The following SCOC variants were observed in gnomAD, a reference collection of about 807,000 sequenced individuals.
SCOC encodes the protein short coiled coil protein.
A neutral mutation model predicts 9.9 loss-of-function variants in SCOC; 7 were observed. The ratio of observed to expected loss-of-function variants is 0.71; its 90% CI spans 0.40 to 1.33. The LOEUF is 1.33. Ranked by LOEUF, SCOC falls within the 40% of genes most tolerant of loss-of-function variation. The pLI is 0.01. For missense variants in SCOC, 66 were observed against 89.7 expected, an observed-to-expected ratio of 0.74 and a Z score of 1.07; for synonymous variants, 19 against 28.2, an observed-to-expected ratio of 0.67 and a Z score of 1.03.
intron 1 of SCOC, among the ~76,000 whole-genome samples, chr4:140,319,663 T>C (rs1732440311): frequency 1.3e-5 from 2 of 152,104 alleles, no homozygotes; most frequent in Non-Finnish European, 2.9e-5. Context: ...AAGTTAATGC[T>C]GGAGAAATTT....
chr4:140,280,111 G>A lies in SCOC; in HGVS notation c.-19+22701G>A, dbSNP rs35778314. On this transcript the variant is annotated intron_variant, in intron 1 of 4. Coordinates refer to the SCOC transcript ENST00000394205. ...AGTGAGTTGCAAAGTCCATTGTGTC[G>A]TGATTTTTTTGTCAGTTTGTTTTGA... Among the ~76,000 whole-genome samples, 245 of 152,108 alleles carry A rather than the reference G, an allele frequency of 1.6e-3. 5 individuals carry two copies. Among genetic ancestry groups the A allele is most frequent in the Non-Finnish European group, 8.5e-4 (58 of 67,984 alleles).
chr4:140,362,305 T>TCTTCTTCTTCTTCTTCTTCTTCTTC (rs1357436782), intron 2 of SCOC, among the ~76,000 whole-genome samples: 8 of 9,236 alleles, frequency 8.7e-4, no homozygotes, highest in Non-Finnish European at 1.8e-3. Context: ...TCTTCTTTTT[T>TCTTCTTCTTCTTCTTCTTCTTCTTC]TTTTTTTTTT....
intron 1 of SCOC, among the ~76,000 whole-genome samples, chr4:140,279,137 G>A (rs1038186353): frequency 2.6e-5 from 4 of 152,204 alleles, no homozygotes; most frequent in Admixed American, 2.0e-4. Context: ...TGCACAAGCT[G>A]TTGTTGCCAC....
chr4:140,282,547 C>A (rs1022623888), intron 1 of SCOC, among the ~76,000 whole-genome samples: 1 of 151,928 alleles, frequency 6.6e-6, no homozygotes, highest in Non-Finnish European at 1.5e-5. Context: ...GTGCTATATT[C>A]CTATTGTTTT....
At chr4:140,260,090 A>G (rs1439997825) in intron 1 of SCOC, among the ~76,000 whole-genome samples, 1 of 152,218 alleles carries the variant, frequency 6.6e-6, no homozygotes, top group African/African-American at 2.4e-5. Flanking sequence ...GCACTCAGCA[A>G]ACACTGTCCC....
intron 1 of SCOC, chr4:140,293,382 G>T (rs201837423): frequency 2.0e-5 from 9 of 456,810 alleles, no homozygotes; most frequent in Non-Finnish European, 3.5e-5. Flanking sequence ...AGCAGGGCAC[G>T]CCAAGACAGG....
upstream of SCOC, chr4:140,373,411 G>A: frequency 6.7e-7 from 1 of 1,497,372 alleles, no homozygotes. Context: ...ACTGTCATTG[G>A]CTGTCGCTGT....
chr4:140,325,758 A>G (rs190767034), intron 1 of SCOC, among the ~76,000 whole-genome samples: 1 of 152,156 alleles, frequency 6.6e-6, no homozygotes, highest in Non-Finnish European at 1.5e-5. Context: ...ACCAGGTTGG[A>G]GGACAATTTG....
At chr4:140,289,825 C>G (rs1200213631) in intron 1 of SCOC, among the ~76,000 whole-genome samples, 1 of 152,240 alleles carries the variant, frequency 6.6e-6, no homozygotes, top group Non-Finnish European at 1.5e-5. Context: ...TCAGAGAAAG[C>G]TGATAACAAA....
Position 140,373,732 on chromosome 4 carries a change from G to A in SCOC, c.-51+15G>A, listed in dbSNP as rs1300392358. Reference sequence around the variant, plus strand: ...TCAAGCGGAAGGTGAGGGCCGTCCCGGGCAGCGGAGGGCCTGGCCCCAGGC... The same window carrying A: ...TCAAGCGGAAGGTGAGGGCCGTCCCAGGCAGCGGAGGGCCTGGCCCCAGGC... On this transcript the variant is annotated intron_variant, in intron 1 of 3. Coordinates refer to ENST00000608372, the MANE Select transcript of SCOC (RefSeq NM_001153484.2). 1 of 1,542,008 alleles carries A rather than the reference G, an allele frequency of 6.5e-7. No homozygotes were observed.
chr4:140,300,076 T>A (rs1731768935), intron 1 of SCOC, among the ~76,000 whole-genome samples: 1 of 152,118 alleles, frequency 6.6e-6, no homozygotes, highest in Non-Finnish European at 1.5e-5. Context: ...CTCATCTAAT[T>A]GAAGGGAGCT....
chr4:140,380,845 G>A lies in SCOC; in HGVS notation c.107-117G>A, dbSNP rs151133849. 1.2e-4 allele frequency: 92 copies of A among 773,080 alleles called. No homozygotes were observed. The African/African-American group carries it at 1.6e-3, about 13-fold the overall frequency. 47.9% of individuals were successfully genotyped at this position (773,080 alleles called of 1,614,324 possible). A position where few individuals can be genotyped will look rare whatever the true frequency, so the allele number is the denominator to read the frequency against. On this transcript the variant is annotated intron_variant, in intron 3 of 3. Coordinates refer to ENST00000608372, the MANE Select transcript of SCOC (RefSeq NM_001153484.2). ...GTTTACCTTGCTGTCTCTAAAATCCGAATTCTTAAAATTTAAGGATTGTAT... is the reference window on the plus strand; with the variant it reads ...GTTTACCTTGCTGTCTCTAAAATCCAAATTCTTAAAATTTAAGGATTGTAT...
rs182111074 is a variant in SCOC, at chr4:140,288,096, C to T, written c.-19+30686C>T. Among the ~76,000 whole-genome samples the T allele has an allele frequency of 4.6e-5, 7 of 152,094 alleles. No homozygotes were observed. The East Asian group carries it at 1.2e-3, about 25-fold the overall frequency. On this transcript the variant is annotated intron_variant, in intron 1 of 4. Transcript: ENST00000394205. ...TATCTATATTTATCACACACATATG[C>T]ACATATCAACCCCATGCTGTACTCA... is the stretch of plus-strand genomic sequence containing the variant.
intron 2 of SCOC, chr4:140,360,544 G>A (rs533459093): frequency 2.0e-5 from 3 of 152,350 alleles, no homozygotes; most frequent in South Asian, 2.1e-4. Context: ...ACTGGGATGC[G>A]ATGAGGGGCA....
At chr4:140,327,149 T>A (rs1013039092) in intron 1 of SCOC, among the ~76,000 whole-genome samples, 6 of 152,198 alleles carry the variant, frequency 3.9e-5, no homozygotes, top group African/African-American at 1.4e-4. Flanking sequence ...TTAGTTTATG[T>A]TAAATTTGGC....
intron 1 of SCOC, among the ~76,000 whole-genome samples, chr4:140,323,772 A>G (rs1009171693): frequency 2.0e-5 from 3 of 152,194 alleles, no homozygotes; most frequent in African/African-American, 7.2e-5. Flanking sequence ...CCTAGCCTAG[A>G]TGGTTTCGCT....
At position 140,364,257 on chromosome 4, in the gene SCOC, C is replaced by T. The variant is rs552879820; in HGVS notation, c.71-14864C>T. On this transcript the variant is annotated intron_variant, in intron 2 of 4. Transcript: ENST00000338517. ...ATGACAACTTAGAGCAAAAGGAAGGCGAAGGATGTAAACCTGAAGAATTTA... is the reference window on the plus strand; with the variant it reads ...ATGACAACTTAGAGCAAAAGGAAGGTGAAGGATGTAAACCTGAAGAATTTA... Among the ~76,000 whole-genome samples, 8 of 151,566 alleles carry T rather than the reference C, an allele frequency of 5.3e-5. No homozygotes were observed. The East Asian group carries it at 5.8e-4, about 11-fold the overall frequency.
intron 1 of SCOC, among the ~76,000 whole-genome samples, chr4:140,303,166 A>G (rs1731862557): frequency 6.6e-6 from 1 of 152,226 alleles, no homozygotes; most frequent in Non-Finnish European, 1.5e-5. Flanking sequence ...TTAGGGGGTT[A>G]TGCAAAGAGC....
intron 2 of SCOC, among the ~76,000 whole-genome samples, chr4:140,352,868 T>A (rs895038695): frequency 6.6e-6 from 1 of 152,176 alleles, no homozygotes; most frequent in African/African-American, 2.4e-5. Flanking sequence ...TTGTACAAAA[T>A]CCTTCATAGT....
Sources: allele counts gnomAD v4.1 joint callset (sites outside exome capture counted in the v4.1 genomes callset), GRCh38; gene constraint gnomAD v4.1.1; transcripts MANE v1.5; gene names NCBI Gene and HGNC (gene_info 2026-07-23, HGNC 2026-07-21).